Variants in CACNA1C observed in about 807,000 individuals in gnomAD.
CACNA1C encodes voltage-dependent L-type calcium channel subunit alpha-1C.
CACNA1C carries 30 observed loss-of-function variants against 229.0 expected under a neutral mutation model. The observed-to-expected ratio is 0.13, with a 90% CI of 0.10 to 0.18. The LOEUF (loss-of-function observed/expected upper bound fraction) is 0.18. Ranked by LOEUF, CACNA1C falls within the 10% of genes least tolerant of loss-of-function variation. The pLI is 1.00. For missense variants in CACNA1C, 1,658 were observed against 2,845.0 expected (o/e 0.58, Z 9.49); for synonymous variants, 1,114 against 1,132.5 (o/e 0.98, Z 0.33).
chr12:2,468,495 A>G (rs932475694), intron 5 of CACNA1C, among the ~76,000 whole-genome samples: 3 of 152,198 alleles, frequency 2.0e-5, no homozygotes, highest in Admixed American at 2.0e-4. Context: ...AATCCAGGCT[A>G]TCTAGTTCAG....
chr12:2,485,379 A>G (rs2099693718), intron 5 of CACNA1C, among the ~76,000 whole-genome samples: 2 of 152,070 alleles, frequency 1.3e-5, no homozygotes, highest in African/African-American at 4.8e-5. Context: ...GTCCCTTTAA[A>G]TGAATGCCAT....
chr12:2,450,410 C>T (rs1054616775), intron 4 of CACNA1C, among the ~76,000 whole-genome samples: 7 of 151,686 alleles, frequency 4.6e-5, no homozygotes, highest in Admixed American at 6.6e-5. Context: ...AAAACTTAGC[C>T]GGGCGAGGTG....
At chr12:2,623,689 G>A (rs933979436) in intron 29 of CACNA1C, among the ~76,000 whole-genome samples, 2 of 152,148 alleles carry the variant, frequency 1.3e-5, no homozygotes, top group African/African-American at 4.8e-5. Flanking sequence ...TGCTAGCCCA[G>A]GAATGCCGTG....
rs564886656 is a variant in CACNA1C at position 2,054,379 on chromosome 12, G to T, written c.49+768G>T. ...TGAGGATGGAAGCGGCGAGGAGCCGGGCGGTGTGTGGGCTTTGCTGTTTCG... is the reference window on the plus strand; with the variant it reads ...TGAGGATGGAAGCGGCGAGGAGCCGTGCGGTGTGTGGGCTTTGCTGTTTCG... On this transcript the variant is annotated intron_variant, in intron 1 of 46. Transcript: ENST00000399655. The surrounding 1 kb of genome is among the most constrained non-coding windows in gnomAD (Gnocchi z 5.5). Among the ~76,000 whole-genome samples, 53 of 152,318 alleles carry T rather than the reference G, an allele frequency of 3.5e-4. 2 individuals carry two copies. The highest frequency in any genetic ancestry group is 2.9e-3 in the Admixed American group (45 of 15,308).
intron 3 of CACNA1C, among the ~76,000 whole-genome samples, chr12:2,256,905 T>C (rs997333167): frequency 7.2e-5 from 11 of 152,210 alleles, no homozygotes; most frequent in Admixed American, 7.2e-4. Flanking sequence ...TAGTTATCTC[T>C]TTTTTAGAGG....
chr12:2,059,309 C>T (rs2056517343), intron 1 of CACNA1C, among the ~76,000 whole-genome samples: 1 of 151,914 alleles, frequency 6.6e-6, no homozygotes, highest in Non-Finnish European at 1.5e-5. Context: ...TCAGGGTAGT[C>T]AGTTACTCCT....
intron 3 of CACNA1C, among the ~76,000 whole-genome samples, chr12:2,158,485 G>A (rs902081118): frequency 1.3e-5 from 2 of 152,124 alleles, no homozygotes; most frequent in African/African-American, 4.8e-5. Flanking sequence ...GTTGAGATGG[G>A]AGGATTGCTT....
intron 3 of CACNA1C, among the ~76,000 whole-genome samples, chr12:2,186,989 C>T (rs551061222): frequency 2.0e-4 from 29 of 147,254 alleles, no homozygotes; most frequent in African/African-American, 4.1e-4. Context: ...TGAGCACACC[C>T]GACCCCTTTC....
chr12:2,489,058 T>C (rs2099707738), intron 6 of CACNA1C, among the ~76,000 whole-genome samples: 1 of 152,226 alleles, frequency 6.6e-6, no homozygotes, highest in African/African-American at 2.4e-5. Context: ...CCTGAGTGTT[T>C]TGGAGAGTTT....
chr12:2,329,358 G>C (rs1392420866), intron 3 of CACNA1C, among the ~76,000 whole-genome samples: 1 of 152,188 alleles, frequency 6.6e-6, no homozygotes, highest in Non-Finnish European at 1.5e-5. Context: ...TAGGTGCTCT[G>C]TCTTGACATT....
rs1406305481 is a variant in CACNA1C at position 2,665,025 on chromosome 12, T to C, written c.4398+35T>C. 6.2e-7 allele frequency: 1 copy of C among 1,610,802 alleles called. No individual in the cohort carries two copies. The highest frequency in any genetic ancestry group is 2.2e-5 in the East Asian group (1 of 44,864). On this transcript the variant is annotated intron_variant, in intron 35 of 46. Coordinates refer to ENST00000399655, the MANE Select transcript of CACNA1C (RefSeq NM_000719.7). This position sits in a 1 kb window ranked among gnomAD's most constrained non-coding sequence, Gnocchi z 5.9. The stretch of plus-strand genomic sequence containing the variant: ...GGGGGAACTCAACAGCCAGCAGCCA[T>C]GACTGCCCAGTTCCAGGGCAGTCTG...
intron 1 of CACNA1C, among the ~76,000 whole-genome samples, chr12:2,085,391 T>C (rs2067189888): frequency 6.6e-6 from 1 of 152,222 alleles, no homozygotes; most frequent in South Asian, 2.1e-4. Context: ...TTTAATTGAA[T>C]AGCTGCAGAA....
chr12:1,978,993 G>C (rs1241319452), intron 1 of CACNA1C, among the ~76,000 whole-genome samples: 4 of 152,134 alleles, frequency 2.6e-5, no homozygotes, highest in African/African-American at 9.7e-5. Context: ...AAACTGCTTT[G>C]AGCATTTGTG....
At chr12:2,355,015 G>A (rs1461764135) in intron 3 of CACNA1C, among the ~76,000 whole-genome samples, 1 of 152,118 alleles carries the variant, frequency 6.6e-6, no homozygotes, top group Non-Finnish European at 1.5e-5. Context: ...GTGGAGGGCT[G>A]AAGAAGGAGG....
upstream of CACNA1C, among the ~76,000 whole-genome samples, chr12:2,052,011 C>T (rs1421731754): frequency 6.6e-6 from 1 of 152,088 alleles, no homozygotes; most frequent in Admixed American, 6.5e-5. Context: ...GAGTTGTAGG[C>T]CCCCCTGAAA....
rs563893615 is a variant in CACNA1C, at chr12:2,108,837, T to G, written c.50-6387T>G. 6.6e-6 allele frequency among the ~76,000 whole-genome samples: 1 copy of G among 152,316 alleles called. No individual in the cohort carries two copies. Among genetic ancestry groups the G allele is most frequent in the East Asian group, 1.9e-4 (1 of 5,186 alleles). ...GCCCAGCTTTCTAGTCATTGGGCCTTTAGTGGGTGGAGAAAGTCCGGTTTC... is the reference window on the plus strand; with the variant it reads ...GCCCAGCTTTCTAGTCATTGGGCCTGTAGTGGGTGGAGAAAGTCCGGTTTC... On this transcript the variant is annotated intron_variant, in intron 1 of 46. Transcript: ENST00000399655. This position sits in a 1 kb window ranked among gnomAD's most constrained non-coding sequence, Gnocchi z 5.3.
At chr12:2,399,198 G>A (rs1202158583) in intron 3 of CACNA1C, among the ~76,000 whole-genome samples, 1 of 152,168 alleles carries the variant, frequency 6.6e-6, no homozygotes, top group African/African-American at 2.4e-5. Flanking sequence ...AATGTCTAGT[G>A]GTTGCCTGTG....
intron 1 of CACNA1C, among the ~76,000 whole-genome samples, chr12:2,077,258 G>A (rs2063546750): frequency 6.6e-6 from 1 of 152,188 alleles, no homozygotes; most frequent in South Asian, 2.1e-4. Context: ...AATGACATTA[G>A]GGTTCAGACT....
intron 1 of CACNA1C, among the ~76,000 whole-genome samples, chr12:2,080,487 G>A (rs2065112231): frequency 1.3e-5 from 2 of 151,850 alleles, no homozygotes; most frequent in African/African-American, 2.4e-5. Context: ...TGTAATCCCA[G>A]CTACTTGGGA....
Sources: allele counts gnomAD v4.1 joint callset (sites outside exome capture counted in the v4.1 genomes callset), GRCh38; gene constraint gnomAD v4.1.1; non-coding constraint Gnocchi (gnomAD v3.1); transcripts MANE v1.5; gene names NCBI Gene and HGNC (gene_info 2026-07-23, HGNC 2026-07-21).